CAMTA1: variants seen among roughly 807,000 people sequenced by gnomAD.
CAMTA1 encodes the protein calmodulin-binding transcription activator 1.
CAMTA1 carries 27 observed loss-of-function variants against 170.9 expected under a neutral mutation model. That is an observed-to-expected ratio of 0.16 (90% CI 0.12 to 0.22). The LOEUF (loss-of-function observed/expected upper bound fraction) is 0.22, where lower values mean the gene tolerates loss of function less well. Among genes scored for constraint, CAMTA1 ranks in the 10% least tolerant of loss-of-function variants. The pLI is 1.00. For synonymous variants in CAMTA1, 833 were observed against 891.5 expected (o/e 0.93, Z 1.17); for missense variants, 1,619 against 2,217.2 (o/e 0.73, Z 5.42).
intron 3 of CAMTA1, among the ~76,000 whole-genome samples, chr1:6,925,571 G>A (rs1682928525): frequency 6.6e-6 from 1 of 152,086 alleles, no homozygotes; most frequent in South Asian, 2.1e-4. Context: ...GGGGAGGAGT[G>A]CGTCCCTGTA....
intron 6 of CAMTA1, among the ~76,000 whole-genome samples, 171 bp from the exon 7 acceptor site, chr1:7,640,229 C>T (rs1180465744): frequency 6.6e-6 from 1 of 152,118 alleles, no homozygotes; most frequent in East Asian, 1.9e-4. Context: ...CCACATGCGC[C>T]GGACAGCCCC....
At chr1:6,861,950 CAT>C (rs1664847547) in intron 3 of CAMTA1, among the ~76,000 whole-genome samples, 1 of 151,158 alleles carries the variant, frequency 6.6e-6, no homozygotes, top group South Asian at 2.1e-4. Flanking sequence ...AAAGTGAAGT[CAT>C]ATAGTATTTG....
intron 3 of CAMTA1, among the ~76,000 whole-genome samples, chr1:6,895,495 A>G (rs531348516): frequency 2.6e-4 from 39 of 152,328 alleles, no homozygotes; most frequent in African/African-American, 9.4e-4. Flanking sequence ...AGCCAGGGCA[A>G]TCTATGAAGA....
At chr1:7,366,629 T>G (rs916339689) in intron 5 of CAMTA1, among the ~76,000 whole-genome samples, 1 of 152,362 alleles carries the variant, frequency 6.6e-6, no homozygotes, top group Non-Finnish European at 1.5e-5. Flanking sequence ...ACCCCACTGA[T>G]GTGTCTTTGA....
chr1:7,467,960 G>A, intron 6 of CAMTA1, 59 bp downstream of exon 6: 1 of 1,400,220 alleles, frequency 7.1e-7, no homozygotes, highest in Non-Finnish European at 1.0e-6. Flanking sequence ...GGTCTGTGGA[G>A]GGCACTGAGG....
chr1:7,568,786 C>G lies in CAMTA1; in HGVS notation c.511-71614C>G, dbSNP rs202008576. Reference sequence around the variant, plus strand: ...CATCATCACCATCACATCACCATCACCACCACCATCCATCATCAACATCAC... The same window carrying G: ...CATCATCACCATCACATCACCATCAGCACCACCATCCATCATCAACATCAC... On this transcript the variant is annotated intron_variant, in intron 6 of 22. Transcript: ENST00000303635. 2.6e-5 allele frequency among the ~76,000 whole-genome samples: 4 copies of G among 151,062 alleles called. No individual in the cohort carries two copies. The East Asian group carries it at 7.9e-4, about 30-fold the overall frequency.
chr1:6,980,184 C>T (rs61780910), intron 3 of CAMTA1, among the ~76,000 whole-genome samples: 4,545 of 152,262 alleles, frequency 0.03, 120 homozygotes, highest in South Asian at 0.12. Flanking sequence ...GCTGAAGTCT[C>T]GCCTGTTGGG....
rs144576443 is a variant in CAMTA1 at position 7,623,068 on chromosome 1, C to T, written c.511-17332C>T. Among the ~76,000 whole-genome samples, 11 of 152,342 alleles carry T rather than the reference C, an allele frequency of 7.2e-5. No homozygotes were observed. The East Asian group carries it at 9.6e-4, about 13-fold the overall frequency. ...CCATCCTCAGAGGCCTTCTCAAGCT[C>T]GCTGGCTAAATTCTCCACCCACCCC... On this transcript the variant is annotated intron_variant, in intron 6 of 22. Coordinates refer to ENST00000303635, the MANE Select transcript of CAMTA1 (RefSeq NM_015215.4).
Position 7,130,770 on chromosome 1 carries a change from T to C in CAMTA1, c.302+39399T>C, listed in dbSNP as rs545608285. On this transcript the variant is annotated intron_variant, in intron 4 of 22. Coordinates refer to ENST00000303635, the MANE Select transcript of CAMTA1 (RefSeq NM_015215.4). ...AAGAGCTGATAATCTCTCCAACTGT[T>C]TGTCTGTTTGCTATCCATATATCTC... Among the ~76,000 whole-genome samples, 6 of 152,328 alleles carry C rather than the reference T, an allele frequency of 3.9e-5. No homozygotes were observed. In the East Asian group the frequency reaches 1.2e-3, roughly 29 times the overall value.
At chr1:7,062,481 C>T (rs900990916) in intron 3 of CAMTA1, among the ~76,000 whole-genome samples, 3 of 152,118 alleles carry the variant, frequency 2.0e-5, no homozygotes, top group Non-Finnish European at 4.4e-5. Context: ...CTCGAGCGGC[C>T]GGTGCCAAGA....
At chr1:6,843,479 T>C (rs1464634087) in intron 3 of CAMTA1, among the ~76,000 whole-genome samples, 1 of 152,240 alleles carries the variant, frequency 6.6e-6, no homozygotes, top group Non-Finnish European at 1.5e-5. Flanking sequence ...AAACCTGATA[T>C]AGGGAGTTCT....
intron 1 of CAMTA1, among the ~76,000 whole-genome samples, chr1:6,806,647 G>A (rs139401895): frequency 2.0e-5 from 3 of 152,270 alleles, no homozygotes; most frequent in Non-Finnish European, 2.9e-5. Flanking sequence ...GCTCTTCCAC[G>A]TAGCGTGTAG....
At chr1:6,925,919 G>A (rs571249302) in intron 3 of CAMTA1, among the ~76,000 whole-genome samples, 4 of 152,076 alleles carry the variant, frequency 2.6e-5, no homozygotes, top group South Asian at 4.2e-4. Flanking sequence ...TCCCCCTCCC[G>A]GCTCCAGCTG....
intron 7 of CAMTA1, among the ~76,000 whole-genome samples, chr1:7,660,853 T>A (rs2095949954): frequency 2.0e-5 from 3 of 152,244 alleles, no homozygotes; most frequent in African/African-American, 7.2e-5. Flanking sequence ...CCTCTGAGCC[T>A]GGCCCCACTA....
intron 6 of CAMTA1, among the ~76,000 whole-genome samples, chr1:7,550,429 C>T (rs1177295656): frequency 1.3e-5 from 2 of 152,060 alleles, no homozygotes; most frequent in East Asian, 3.9e-4. Context: ...GCCTGTGCCA[C>T]CCAGCCACTC....
chr1:7,490,849 G>A (rs1172446542), intron 6 of CAMTA1, among the ~76,000 whole-genome samples: 1 of 152,160 alleles, frequency 6.6e-6, no homozygotes, highest in African/African-American at 2.4e-5. Flanking sequence ...CCTCTCTCAG[G>A]CAGGATGCTC....
chr1:7,445,838 A>G (rs572708284), intron 5 of CAMTA1, among the ~76,000 whole-genome samples: 1 of 152,244 alleles, frequency 6.6e-6, no homozygotes, highest in East Asian at 1.9e-4. Flanking sequence ...AGGCTAGGAG[A>G]TGTCACCGGA....
At chr1:7,001,796 CCTT>C (rs1358514592) in intron 3 of CAMTA1, among the ~76,000 whole-genome samples, 1 of 152,210 alleles carries the variant, frequency 6.6e-6, no homozygotes, top group Non-Finnish European at 1.5e-5. Context: ...GTGCCACCTT[CCTT>C]CTTCTTGACA....
chr1:6,960,900 T>C (rs1238045648), intron 3 of CAMTA1, among the ~76,000 whole-genome samples: 2 of 152,198 alleles, frequency 1.3e-5, no homozygotes, highest in African/African-American at 4.8e-5. Context: ...TATAACCCCA[T>C]GACATCAGTT....
Sources: gnomAD v4.1 joint callset for allele counts (sites outside exome capture counted in the v4.1 genomes callset) on GRCh38, gnomAD v4.1.1 for gene constraint, MANE v1.5 for transcripts, NCBI Gene and HGNC (gene_info 2026-07-23, HGNC 2026-07-21) for gene names.